ELF1: variants seen among roughly 807,000 people sequenced by gnomAD.
The protein encoded by ELF1 is ETS-related transcription factor Elf-1.
ELF1 carries 24 observed loss-of-function variants against 59.9 expected under a neutral mutation model. The observed-to-expected ratio is 0.40, with a 90% CI of 0.29 to 0.56. ELF1 has a LOEUF of 0.56. ELF1 is among the 20% of genes least tolerant of loss of function. The pLI is 0.44. For missense variants in ELF1, 627 were observed against 742.2 expected (o/e 0.84, Z 1.80); for synonymous variants, 248 against 266.2 (o/e 0.93, Z 0.67).
At chr13:40,961,269 C>T (rs769708814) in intron 2 of ELF1, among the ~76,000 whole-genome samples, 2 of 152,188 alleles carry the variant, frequency 1.3e-5, no homozygotes, top group Non-Finnish European at 2.9e-5. Flanking sequence ...TCCTAAAACA[C>T]ATTTGGATCG....
chr13:40,937,421 A>G (rs1869853882), intron 8 of ELF1, among the ~76,000 whole-genome samples: 1 of 152,236 alleles, frequency 6.6e-6, no homozygotes, highest in East Asian at 1.9e-4. Context: ...AACAGACTCA[A>G]AATAATTAAC....
chr13:40,936,787 G>GA (rs1259439753), intron 8 of ELF1, among the ~76,000 whole-genome samples: 7 of 140,500 alleles, frequency 5.0e-5, no homozygotes, highest in Admixed American at 7.1e-5. Context: ...AGAAAAAAAA[G>GA]AAAAAAAAAA....
At chr13:41,041,213 C>T (rs966272456) in intron 1 of ELF1, among the ~76,000 whole-genome samples, 2 of 138,106 alleles carry the variant, frequency 1.4e-5, no homozygotes, top group Non-Finnish European at 3.0e-5. Flanking sequence ...CTATACAGAG[C>T]ATGAAGCACT....
At chr13:40,986,065 C>A (rs1321591082) in intron 1 of ELF1, among the ~76,000 whole-genome samples, 1 of 152,134 alleles carries the variant, frequency 6.6e-6, no homozygotes, top group Non-Finnish European at 1.5e-5. Flanking sequence ...GGGTGAGGAC[C>A]ATATTCTTAT....
At chr13:40,987,584 CAAA>C (rs374604821) in intron 1 of ELF1, among the ~76,000 whole-genome samples, 709 of 68,354 alleles carry the variant, frequency 0.01, 3 homozygotes, top group South Asian at 0.028. Flanking sequence ...GACTCTGTCT[CAAA>C]AAAAAAAAAA....
chr13:41,022,033 C>T (rs2138395052), upstream of ELF1, among the ~76,000 whole-genome samples: 1 of 152,144 alleles, frequency 6.6e-6, no homozygotes, highest in East Asian at 1.9e-4. Context: ...ATCACATGAT[C>T]CAGTAATCCC....
At chr13:40,958,706 G>C (rs1871613334) in intron 3 of ELF1, 130 bp downstream of exon 3, 4 of 1,254,720 alleles carry the variant, frequency 3.2e-6, no homozygotes, top group Non-Finnish European at 4.2e-6. Context: ...CTCCATGTAG[G>C]GCTGTAGTTT....
intron 1 of ELF1, among the ~76,000 whole-genome samples, chr13:40,998,796 A>G (rs1874258075): frequency 6.6e-6 from 1 of 152,164 alleles, no homozygotes; most frequent in Admixed American, 6.5e-5. Context: ...CTAATAGGAA[A>G]CTGTTTTATG....
intron 1 of ELF1, among the ~76,000 whole-genome samples, chr13:41,044,218 G>C (rs571341000): frequency 6.6e-6 from 1 of 152,226 alleles, no homozygotes; most frequent in South Asian, 2.1e-4. Context: ...GGGTTTTCTA[G>C]ACATACAATC....
At chr13:40,994,305 CT>C (rs757630458) in intron 1 of ELF1, among the ~76,000 whole-genome samples, 1 of 152,086 alleles carries the variant, frequency 6.6e-6, no homozygotes, top group East Asian at 1.9e-4. Context: ...AAGTTTAACT[CT>C]TTTTTTGAGC....
intron 1 of ELF1, among the ~76,000 whole-genome samples, chr13:41,031,632 A>T (rs1876164136): frequency 6.6e-6 from 1 of 151,938 alleles, no homozygotes; most frequent in Admixed American, 6.6e-5. Flanking sequence ...AGCCTGGCCA[A>T]GATGGTGAAA....
At position 40,993,447 on chromosome 13, in the gene ELF1, T is replaced by A. The variant is rs960908959; in HGVS notation, c.-228-11165A>T. On this transcript the variant is annotated intron_variant, in intron 1 of 8. Coordinates refer to ENST00000239882, the MANE Select transcript of ELF1 (RefSeq NM_172373.4). ...CTCTAGCGGAGCCCGTTTGCTACTA[T>A]CCGCCCAACTTAAGCACCCAGCGGG... The A allele has an allele frequency of 4.3e-5, 27 of 621,922 alleles. No individual in the cohort carries two copies. The Admixed American group carries it at 7.3e-4, about 17-fold the overall frequency. 38.5% of individuals were successfully genotyped at this position (621,922 alleles called of 1,614,324 possible). A position where few individuals can be genotyped will look rare whatever the true frequency, so the allele number is the denominator to read the frequency against.
At chr13:40,999,415 C>A (rs761343997) in intron 1 of ELF1, among the ~76,000 whole-genome samples, 1 of 152,022 alleles carries the variant, frequency 6.6e-6, no homozygotes, top group Non-Finnish European at 1.5e-5. Context: ...AATGCCGACA[C>A]AAAAGAATGC....
chr13:40,950,393 A>C lies in ELF1; in HGVS notation c.362-420T>G, dbSNP rs572398399. On this transcript the variant is annotated intron_variant, in intron 4 of 8. Transcript: ENST00000239882. Reference sequence around the variant, plus strand: ...ATAGCATGCCTTACAAAGCTTCTGTAATCTAGTTCCAAACCTACCTTTCCA... The same window carrying C: ...ATAGCATGCCTTACAAAGCTTCTGTCATCTAGTTCCAAACCTACCTTTCCA... Among the ~76,000 whole-genome samples the C allele has an allele frequency of 1.9e-4, 29 of 152,346 alleles. No homozygotes were observed. The South Asian group carries it at 6.0e-3, about 32-fold the overall frequency.
At chr13:40,997,758 G>A (rs887983277) in intron 1 of ELF1, among the ~76,000 whole-genome samples, 15 of 152,138 alleles carry the variant, frequency 9.9e-5, no homozygotes, top group African/African-American at 3.6e-4. Flanking sequence ...AAAGAGTTCT[G>A]ATGTTTCATG....
At chr13:41,036,870 C>T (rs1008432657) in intron 1 of ELF1, among the ~76,000 whole-genome samples, 3 of 151,946 alleles carry the variant, frequency 2.0e-5, no homozygotes, top group Non-Finnish European at 4.4e-5. Context: ...AACCAAACAC[C>T]GCATGTTCTC....
chr13:41,023,286 C>T (rs1283012520), upstream of ELF1, among the ~76,000 whole-genome samples: 1 of 152,036 alleles, frequency 6.6e-6, no homozygotes, highest in Non-Finnish European at 1.5e-5. Context: ...ACTTCTAGTA[C>T]AAAAATACAG....
chr13:40,933,852 G>A lies in ELF1; in HGVS notation c.1433C>T (p.Thr478Ile), dbSNP rs766003101. The stretch of plus-strand genomic sequence containing the variant: ...CAGCATGACATTTTCTTTCAGTACT[G>A]TCATGGGCTGTGATGATGGAATGGC... Reference protein sequence around the residue: ...LQAIPSSQPMTVLKENVMLQS... With the variant: ...LQAIPSSQPMIVLKENVMLQS... Residue 478 changes from threonine (T) to isoleucine (I), a missense_variant, in exon 9 of 9, where the codon ACA becomes ATA. Physicochemically the swap from Thr to Ile is moderately conservative, Grantham distance 89. This residue lies in a region of ELF1 where 361 missense variants were observed against 396.1 expected (regional missense o/e 0.91). Coordinates refer to ENST00000239882, the MANE Select transcript of ELF1 (RefSeq NM_172373.4). 2 of 1,614,240 alleles carry A rather than the reference G, an allele frequency of 1.2e-6. No homozygotes were observed. The highest frequency in any genetic ancestry group is 1.7e-6 in the Non-Finnish European group (2 of 1,180,052).
chr13:40,934,464 T>A (rs1369360846), intron 8 of ELF1, among the ~76,000 whole-genome samples: 1 of 141,294 alleles, frequency 7.1e-6, no homozygotes, highest in East Asian at 2.2e-4. Flanking sequence ...CTCTTGTTGC[T>A]CAGGCTGGAG....
Sources: gnomAD v4.1 joint callset for allele counts (sites outside exome capture counted in the v4.1 genomes callset) on GRCh38, gnomAD v4.1.1 for gene constraint, gnomAD v4.1.1 regional missense constraint, MANE v1.5 for transcripts, NCBI Gene and HGNC (gene_info 2026-07-23, HGNC 2026-07-21) for gene names.